SLC4A10: variants seen among roughly 807,000 people sequenced by gnomAD.
SLC4A10 encodes the protein sodium-driven chloride bicarbonate exchanger.
Under a neutral mutation model 137.7 loss-of-function variants are expected in SLC4A10, and 42 were observed. The ratio of observed to expected loss-of-function variants is 0.30; its 90% CI spans 0.24 to 0.39. The LOEUF is 0.39. Among genes scored for constraint, SLC4A10 ranks in the 10% least tolerant of loss-of-function variants. The pLI is 1.00. For synonymous variants in SLC4A10, 474 were observed against 464.1 expected (o/e 1.02, Z -0.27); for missense variants, 925 against 1,355.0 (o/e 0.68, Z 4.98).
chr2:161,713,244 G>T (rs911305321), intron 1 of SLC4A10, among the ~76,000 whole-genome samples: 1 of 151,588 alleles, frequency 6.6e-6, no homozygotes, highest in Admixed American at 6.6e-5. Flanking sequence ...TCTAAACTGA[G>T]AACATTTCTT....
At chr2:161,968,141 A>G (rs1031663981) in intron 23 of SLC4A10, among the ~76,000 whole-genome samples, 1 of 152,224 alleles carries the variant, frequency 6.6e-6, no homozygotes, top group Admixed American at 6.5e-5. Flanking sequence ...CTGTGATTCA[A>G]AGATAATTTC....
At chr2:161,762,715 G>C (rs1366570534) in intron 1 of SLC4A10, among the ~76,000 whole-genome samples, 1 of 152,046 alleles carries the variant, frequency 6.6e-6, no homozygotes, top group Non-Finnish European at 1.5e-5. Flanking sequence ...GATCGTGAAA[G>C]TAATATGGTA....
chr2:161,925,302 C>G (rs1688869519), intron 15 of SLC4A10, among the ~76,000 whole-genome samples: 1 of 152,086 alleles, frequency 6.6e-6, no homozygotes, highest in Non-Finnish European at 1.5e-5. Flanking sequence ...AGGAATTTAT[C>G]CATTTCTTCT....
At chr2:161,820,970 T>A (rs2057569044) in intron 3 of SLC4A10, among the ~76,000 whole-genome samples, 1 of 152,240 alleles carries the variant, frequency 6.6e-6, no homozygotes, top group Admixed American at 6.5e-5. Context: ...TCTTTTAACA[T>A]TAGCCATTCT....
chr2:161,714,318 A>C (rs754856541), intron 1 of SLC4A10, among the ~76,000 whole-genome samples: 2 of 151,896 alleles, frequency 1.3e-5, no homozygotes, highest in Non-Finnish European at 2.9e-5. Flanking sequence ...GAAACCTTGA[A>C]TATCATTGGG....
Position 161,729,284 on chromosome 2 carries a change from A to C in SLC4A10, c.49-41689A>C, listed in dbSNP as rs575874792. On this transcript the variant is annotated intron_variant, in intron 1 of 26. Coordinates refer to ENST00000446997, the MANE Select transcript of SLC4A10 (RefSeq NM_001178015.2). ...ATCCACAAACAACATAATTCTCCCA[A>C]GGAATCTAAAAAACAAAGAACGCCT... Among the ~76,000 whole-genome samples, 24 of 152,298 alleles carry C rather than the reference A, an allele frequency of 1.6e-4. No individual in the cohort carries two copies. In the East Asian group the frequency reaches 3.9e-3, roughly 24 times the overall value.
At chr2:161,962,748 A>G (rs1202327905) in intron 21 of SLC4A10, among the ~76,000 whole-genome samples, 1 of 152,162 alleles carries the variant, frequency 6.6e-6, no homozygotes, top group African/African-American at 2.4e-5. Context: ...AGGCCATGTC[A>G]TGCCATAAGA....
intron 1 of SLC4A10, chr2:161,708,979 A>C (rs2043986362): frequency 1.1e-6 from 1 of 930,342 alleles, no homozygotes; most frequent in Admixed American, 3.1e-5. Flanking sequence ...ATGGCAGCTA[A>C]ACAATATGAT....
intron 15 of SLC4A10, among the ~76,000 whole-genome samples, chr2:161,930,167 GA>G (rs1690071494): frequency 6.6e-6 from 1 of 152,150 alleles, no homozygotes; most frequent in African/African-American, 2.4e-5. Context: ...TTAAGTAAGA[GA>G]AGCTTCGTTT....
chr2:161,665,522 GA>G lies in SLC4A10; in HGVS notation c.48+40964del, dbSNP rs1319257653. 4.6e-5 allele frequency among the ~76,000 whole-genome samples: 7 copies of G among 151,170 alleles called. No homozygotes were observed. In the East Asian group the frequency reaches 5.8e-4, roughly 13 times the overall value. ...AAAACAAGATAGGTGAAGTCCTGTG[GA>G]AAAAAAAGCATATTTGAATATTGAT... On this transcript the variant is annotated intron_variant, in intron 1 of 26. Transcript: ENST00000446997.
chr2:161,777,194 G>T (rs62190660), intron 2 of SLC4A10, among the ~76,000 whole-genome samples: 10,048 of 150,716 alleles, frequency 0.067, 441 homozygotes, highest in East Asian at 0.15. Context: ...AATTATTATA[G>T]GTTAACATGG....
chr2:161,711,777 A>G (rs191645560), intron 1 of SLC4A10, among the ~76,000 whole-genome samples: 4 of 151,928 alleles, frequency 2.6e-5, no homozygotes, highest in African/African-American at 9.6e-5. Context: ...TCTGGGTTCA[A>G]ATCTTAGCTA....
intron 10 of SLC4A10, among the ~76,000 whole-genome samples, chr2:161,891,023 G>A (rs2062852382): frequency 6.6e-6 from 1 of 152,128 alleles, no homozygotes; most frequent in Non-Finnish European, 1.5e-5. Flanking sequence ...TTGCTTGTCT[G>A]TAAAGGATTT....
At chr2:161,905,366 G>C (rs929864901) in intron 14 of SLC4A10, among the ~76,000 whole-genome samples, 6 of 152,160 alleles carry the variant, frequency 3.9e-5, no homozygotes, top group Non-Finnish European at 7.4e-5. Context: ...GCTCCTATGA[G>C]AATCTAACGT....
At chr2:161,850,524 T>C (rs555998865) in intron 4 of SLC4A10, among the ~76,000 whole-genome samples, 1 of 152,274 alleles carries the variant, frequency 6.6e-6, no homozygotes, top group African/African-American at 2.4e-5. Context: ...AATAGTCTCT[T>C]AGGGTTTTTG....
chr2:161,781,266 A>C (rs2052978990), intron 2 of SLC4A10, among the ~76,000 whole-genome samples: 1 of 152,092 alleles, frequency 6.6e-6, no homozygotes, highest in Non-Finnish European at 1.5e-5. Context: ...ATGTCCTTTT[A>C]TGTATCAGAT....
intron 4 of SLC4A10, among the ~76,000 whole-genome samples, chr2:161,848,449 T>G (rs1368199475): frequency 6.6e-6 from 1 of 152,206 alleles, no homozygotes; most frequent in Admixed American, 6.5e-5. Context: ...ATGAAGTCTT[T>G]TCTTTGGCTG....
rs149322575 is a variant in SLC4A10 at position 161,809,804 on chromosome 2, G to A, written c.277+5209G>A. Among the ~76,000 whole-genome samples, 27 of 152,186 alleles carry A rather than the reference G, an allele frequency of 1.8e-4. 1 individual carries two copies. In the East Asian group the frequency reaches 5.0e-3, roughly 28 times the overall value. ...GCCATAGAGTACAGTTTGAAGTCAG[G>A]TAATATGATGCCTCTGACTTTGTTC... is the stretch of plus-strand genomic sequence containing the variant. On this transcript the variant is annotated intron_variant, in intron 3 of 26. Coordinates refer to ENST00000446997, the MANE Select transcript of SLC4A10 (RefSeq NM_001178015.2).
intron 1 of SLC4A10, among the ~76,000 whole-genome samples, chr2:161,650,470 G>A (rs1487260195): frequency 2.0e-5 from 3 of 152,212 alleles, no homozygotes; most frequent in Non-Finnish European, 4.4e-5. Flanking sequence ...GGAGCAGGCA[G>A]GAGGCCTGCC....
Sources: allele counts gnomAD v4.1 joint callset (sites outside exome capture counted in the v4.1 genomes callset), GRCh38; gene constraint gnomAD v4.1.1; transcripts MANE v1.5; gene names NCBI Gene and HGNC (gene_info 2026-07-23, HGNC 2026-07-21).